Variants in HTR1F observed in about 807,000 individuals in gnomAD.
HTR1F encodes 5-hydroxytryptamine receptor 1F, also known as 5-hydroxytryptamine (serotonin) receptor 1F, G protein-coupled.
Under a neutral mutation model 24.0 loss-of-function variants are expected in HTR1F, and 17 were observed. That is an observed-to-expected ratio of 0.71 (90% CI 0.48 to 1.06). The LOEUF is 1.06. Ranked by LOEUF, HTR1F falls within the 50% of genes least tolerant of loss-of-function variation. The pLI is 0.00. For synonymous variants in HTR1F, 186 were observed against 156.8 expected, an observed-to-expected ratio of 1.19 and a Z score of -1.39; for missense variants, 391 against 427.8, an observed-to-expected ratio of 0.91 and a Z score of 0.76.
chr3:87,811,789 A>C (rs1384730068), intron 1 of HTR1F, among the ~76,000 whole-genome samples: 1 of 152,118 alleles, frequency 6.6e-6, no homozygotes, highest in African/African-American at 2.4e-5. Flanking sequence ...GTCATCTCCA[A>C]ATGATATGGT....
intron 2 of HTR1F, among the ~76,000 whole-genome samples, chr3:87,828,708 T>C (rs1268308583): frequency 2.0e-5 from 3 of 152,214 alleles, no homozygotes; most frequent in East Asian, 3.8e-4. Context: ...TATATCTTCA[T>C]TTTAGTTTTA....
intron 1 of HTR1F, among the ~76,000 whole-genome samples, chr3:87,813,862 C>A (rs796418589): frequency 2.6e-5 from 4 of 152,242 alleles, no homozygotes; most frequent in African/African-American, 9.6e-5. Flanking sequence ...CCCCTTCTGC[C>A]ATGATTTTAA....
intron 1 of HTR1F, among the ~76,000 whole-genome samples, chr3:87,806,227 G>C (rs1397555729): frequency 6.6e-6 from 1 of 151,982 alleles, no homozygotes; most frequent in Non-Finnish European, 1.5e-5. Flanking sequence ...TTAAGTACAA[G>C]TATGCTTTGA....
chr3:87,854,750 A>G (rs1019637660), intron 2 of HTR1F, among the ~76,000 whole-genome samples: 1 of 152,066 alleles, frequency 6.6e-6, no homozygotes, highest in Admixed American at 6.6e-5. Context: ...ATCTACTGGT[A>G]TACTCTTTTT....
At chr3:87,858,555 T>A (rs1474615796) in intron 2 of HTR1F, among the ~76,000 whole-genome samples, 1 of 152,166 alleles carries the variant, frequency 6.6e-6, no homozygotes, top group African/African-American at 2.4e-5. Flanking sequence ...TACCTATATT[T>A]TGGGGGACTA....
intron 2 of HTR1F, among the ~76,000 whole-genome samples, chr3:87,947,508 T>C (rs1396422272): frequency 6.6e-6 from 1 of 152,162 alleles, no homozygotes; most frequent in Admixed American, 6.5e-5. Flanking sequence ...CATAAAGTCA[T>C]TAACATTTAG....
chr3:87,878,434 CA>C (rs1159810686), intron 2 of HTR1F, among the ~76,000 whole-genome samples: 2 of 152,116 alleles, frequency 1.3e-5, no homozygotes, highest in East Asian at 3.9e-4. Flanking sequence ...TGATTTCCAG[CA>C]GGACAGAGAT....
At chr3:87,945,864 G>C (rs1415547541) in intron 2 of HTR1F, among the ~76,000 whole-genome samples, 1 of 152,120 alleles carries the variant, frequency 6.6e-6, no homozygotes, top group African/African-American at 2.4e-5. Flanking sequence ...GTTACCGGGG[G>C]GGTCCTTGCT....
rs186285167 is a variant in HTR1F, at chr3:87,796,853, T to C, written c.-160+4011T>C. Among the ~76,000 whole-genome samples, 13 of 152,350 alleles carry C rather than the reference T, an allele frequency of 8.5e-5. No homozygotes were observed. The East Asian group carries it at 2.3e-3, about 27-fold the overall frequency. On this transcript the variant is annotated intron_variant, in intron 1 of 2. Transcript: ENST00000319595. ...ATTCCAGTTCTAGGAATTTATCTTATAGATATGCTTGCACTTAAGTAAAAA... is the reference window on the plus strand; with the variant it reads ...ATTCCAGTTCTAGGAATTTATCTTACAGATATGCTTGCACTTAAGTAAAAA...
At chr3:87,961,932 A>C (rs1258722686) in intron 2 of HTR1F, among the ~76,000 whole-genome samples, 5 of 152,090 alleles carry the variant, frequency 3.3e-5, no homozygotes, top group Non-Finnish European at 7.4e-5. Flanking sequence ...TATTTTTGTC[A>C]GTATAAGCAT....
intron 2 of HTR1F, among the ~76,000 whole-genome samples, chr3:87,895,840 G>T (rs1706185769): frequency 6.6e-6 from 1 of 152,116 alleles, no homozygotes. Context: ...CATAACATTT[G>T]ATACAGGTAA....
chr3:87,970,698 C>A (rs925961659), intron 2 of HTR1F, among the ~76,000 whole-genome samples: 3 of 152,170 alleles, frequency 2.0e-5, no homozygotes, highest in Non-Finnish European at 4.4e-5. Flanking sequence ...TTTCAAGACA[C>A]GGATTCCTTC....
At chr3:87,855,125 G>A (rs1705171197) in intron 2 of HTR1F, among the ~76,000 whole-genome samples, 1 of 151,984 alleles carries the variant, frequency 6.6e-6, no homozygotes. Flanking sequence ...TGGTGCAATG[G>A]CATCTTCTCT....
At chr3:87,871,560 T>A (rs1705557706) in intron 2 of HTR1F, among the ~76,000 whole-genome samples, 1 of 152,054 alleles carries the variant, frequency 6.6e-6, no homozygotes, top group Non-Finnish European at 1.5e-5. Flanking sequence ...TCAGTAAGCT[T>A]AATGGTTCAA....
chr3:87,867,140 C>A (rs1450264071), intron 2 of HTR1F, among the ~76,000 whole-genome samples: 1 of 151,846 alleles, frequency 6.6e-6, no homozygotes, highest in Non-Finnish European at 1.5e-5. Context: ...TCTTCCAGAA[C>A]ACGGTAGGAA....
At chr3:87,852,163 C>A (rs1705101295) in intron 2 of HTR1F, among the ~76,000 whole-genome samples, 1 of 151,520 alleles carries the variant, frequency 6.6e-6, no homozygotes, top group South Asian at 2.1e-4. Flanking sequence ...TGAACTTTCT[C>A]TAGAATAAAA....
intron 2 of HTR1F, among the ~76,000 whole-genome samples, chr3:87,932,315 T>C (rs916172528): frequency 8.5e-5 from 13 of 152,162 alleles, no homozygotes; most frequent in African/African-American, 3.1e-4. Context: ...CTTTCCCTAT[T>C]TCTTGTTTTT....
chr3:87,978,488 C>G (rs1705448858), intron 2 of HTR1F, among the ~76,000 whole-genome samples: 1 of 152,142 alleles, frequency 6.6e-6, no homozygotes, highest in Non-Finnish European at 1.5e-5. Flanking sequence ...CAGTACAGTA[C>G]AGCAACAGTA....
At chr3:87,974,846 T>C (rs1705361026) in intron 2 of HTR1F, among the ~76,000 whole-genome samples, 1 of 152,150 alleles carries the variant, frequency 6.6e-6, no homozygotes, top group Admixed American at 6.5e-5. Flanking sequence ...TAAACATTGA[T>C]TGATTGATGC....
Sources: allele counts gnomAD v4.1 joint callset (sites outside exome capture counted in the v4.1 genomes callset), GRCh38; gene constraint gnomAD v4.1.1; transcripts MANE v1.5; gene names NCBI Gene and HGNC (gene_info 2026-07-23, HGNC 2026-07-21).